The following RSL24D1 variants were observed in gnomAD, a reference collection of about 807,000 sequenced individuals.
The protein encoded by RSL24D1 is ribosomal L24 domain containing 1, also known as probable ribosome biogenesis protein RLP24.
Under a neutral mutation model 26.2 loss-of-function variants are expected in RSL24D1, and 6 were observed. The ratio of observed to expected loss-of-function variants is 0.23; its 90% confidence interval spans 0.13 to 0.45. The LOEUF (loss-of-function observed/expected upper bound fraction) is 0.45, where lower values mean the gene tolerates loss of function less well. Ranked by LOEUF, RSL24D1 falls within the 20% of genes least tolerant of loss-of-function variation. RSL24D1 has a pLI of 0.99. For missense variants in RSL24D1, 176 were observed against 202.6 expected, an observed-to-expected ratio of 0.87 and a Z score of 0.80; for synonymous variants, 61 against 59.1, an observed-to-expected ratio of 1.03 and a Z score of -0.15.
chr15:55,196,855 G>A lies in RSL24D1; in HGVS notation c.36C>T (p.Pro12=). ...ACATCATGCCGTGTCCAGGATAGAT[G>A]GGCCCCGAACAGAAATAACACTTTT... The part of the protein sequence containing the change: ...RIEKCYFCSG[P]IYPGHGMMFV... Residue 12 remains proline, a synonymous_variant, in exon 1 of 6, where the codon CCC becomes CCT. Transcript: ENST00000260443. 6.2e-7 allele frequency: 1 copy of A among 1,614,170 alleles called. No homozygotes were observed. The highest frequency in any genetic ancestry group is 1.7e-5 in the Admixed American group (1 of 60,020).
rs77320112 is a variant in RSL24D1 at position 55,196,915 on chromosome 15, A to T, written c.-25T>A. 0.028 allele frequency: 45,053 copies of T among 1,610,324 alleles called. 778 individuals are homozygous for T. The highest frequency in any genetic ancestry group is 0.033 in the Non-Finnish European group (39,179 of 1,176,720). The stretch of plus-strand genomic sequence containing the variant: ...TGTTGAACCCGCGTGTAACCCCACC[A>T]AACAAACGCCAAGCTTGAGAGGAAG... On this transcript the variant is annotated 5_prime_UTR_variant, in exon 1 of 6. Transcript: ENST00000260443.
rs968911646 is a variant in RSL24D1, at chr15:55,185,375, A to G, written c.319T>C (p.Phe107Leu). The change falls in exon 4 of 6, where the codon TTT becomes CTT. Residue 107 changes from phenylalanine (F) to leucine (L), a missense_variant. Phe to Leu is a conservative substitution (Grantham distance 22, BLOSUM62 0). Transcript: ENST00000260443. ...EEIKQKRQAK[F>L]IMNRLKKNKE... ...AAATATTCATACCTGTTCATTATAA[A>G]TTTAGCTTGGCGCTTCTGTTTGATT... is the stretch of plus-strand genomic sequence containing the variant. 1 of 1,608,210 alleles carries G rather than the reference A, an allele frequency of 6.2e-7. No homozygotes were observed. Among genetic ancestry groups the G allele is most frequent in the Non-Finnish European group, 8.5e-7 (1 of 1,177,926 alleles).
chr15:55,188,177 C>A (rs1053410901), intron 3 of RSL24D1, among the ~76,000 whole-genome samples: 1 of 152,038 alleles, frequency 6.6e-6, no homozygotes, highest in Non-Finnish European at 1.5e-5. Flanking sequence ...TACTGAAATA[C>A]GAGGGGTGTG....
In RSL24D1 at chr15:55,182,233, A is replaced by C. The variant is rs1394937119; in HGVS notation, c.419-8T>G. ...CCAACTGTTTCCCTTTGCCTTTAAT[A>C]AAAATAAGTAAAAAATAAACAACTT... On this transcript the variant is annotated splice_region_variant and splice_polypyrimidine_tract_variant and intron_variant, in intron 5 of 5. Transcript: ENST00000260443. The C allele has an allele frequency of 1.3e-6, 2 of 1,533,402 alleles. No homozygotes were observed. Among genetic ancestry groups the C allele is most frequent in the African/African-American group, 2.7e-5 (2 of 73,338 alleles). The allele number at this position is 1,533,402 out of a possible 1,614,324, so 95.0% of individuals were successfully genotyped here.
chr15:55,196,774 C>T (rs1453759753), intron 1 of RSL24D1, 36 bp downstream of exon 1: 2 of 1,608,380 alleles, frequency 1.2e-6, no homozygotes, highest in Non-Finnish European at 1.7e-6. Flanking sequence ...ACCGCGGGAG[C>T]TAGGCTGAAG....
chr15:55,196,270 C>A, intron 1 of RSL24D1: 2 of 452,156 alleles, frequency 4.4e-6, no homozygotes, highest in Non-Finnish European at 8.9e-6. Context: ...AGGCCCCCTC[C>A]GCTTTCTTCC....
At chr15:55,190,423 C>A (rs1894283964) in intron 3 of RSL24D1, among the ~76,000 whole-genome samples, 1 of 149,240 alleles carries the variant, frequency 6.7e-6, no homozygotes, top group Non-Finnish European at 1.5e-5. Flanking sequence ...ACAAAAAAAA[C>A]AAGAACTAGA....
intron 5 of RSL24D1, 63 bp downstream of exon 5, chr15:55,183,252 C>A: frequency 1.7e-6 from 2 of 1,185,550 alleles, no homozygotes. Context: ...AAAAAATACC[C>A]AAAGTTAGTT....
At position 55,181,250 on chromosome 15, in the gene RSL24D1, T is replaced by G. The variant is rs1186385747; in HGVS notation, c.*902A>C. On this transcript the variant is annotated 3_prime_UTR_variant, in exon 6 of 6. Coordinates refer to ENST00000260443, the MANE Select transcript of RSL24D1 (RefSeq NM_016304.3). ...TAAATGGGATGTGTGGAGGAAGATT[T>G]CTTCTTCCAGGTCATCAATATTTCA... 6.6e-6 allele frequency: 1 copy of G among 152,462 alleles called. No homozygotes were observed. The highest frequency in any genetic ancestry group is 1.5e-5 in the Non-Finnish European group (1 of 68,044). The allele number at this position is 152,462 out of a possible 1,614,324, so 9.4% of individuals were successfully genotyped here.
intron 1 of RSL24D1, among the ~76,000 whole-genome samples, chr15:55,196,197 A>C (rs1894353643): frequency 6.6e-6 from 1 of 152,150 alleles, no homozygotes; most frequent in Admixed American, 6.5e-5. Context: ...TCACTTCCTC[A>C]AACAAATGTA....
chr15:55,195,928 T>C (rs1175267321), intron 1 of RSL24D1, among the ~76,000 whole-genome samples: 2 of 152,160 alleles, frequency 1.3e-5, no homozygotes, highest in African/African-American at 4.8e-5. Context: ...CCCCAAAGAT[T>C]CCAACTCAAT....
intron 1 of RSL24D1, among the ~76,000 whole-genome samples, chr15:55,193,383 A>C (rs1002793354): frequency 5.3e-5 from 8 of 152,194 alleles, no homozygotes; most frequent in African/African-American, 1.9e-4. Flanking sequence ...AATAGTGCTA[A>C]CTTACAACTG....
intron 3 of RSL24D1, among the ~76,000 whole-genome samples, chr15:55,189,245 T>C (rs962382937): frequency 5.9e-5 from 9 of 151,846 alleles, no homozygotes; most frequent in Non-Finnish European, 1.0e-4. Flanking sequence ...ATAATGTCCT[T>C]GATAAGAGTG....
intron 5 of RSL24D1, among the ~76,000 whole-genome samples, 154 bp downstream of exon 5, chr15:55,183,161 A>G (rs1010780849): frequency 1.3e-5 from 2 of 152,218 alleles, no homozygotes; most frequent in African/African-American, 4.8e-5. Flanking sequence ...ACTGACTGCA[A>G]TTGGGAAATA....
intron 4 of RSL24D1, among the ~76,000 whole-genome samples, chr15:55,184,126 G>T (rs144265897): frequency 1.3e-5 from 2 of 152,152 alleles, no homozygotes; most frequent in African/African-American, 4.8e-5. Context: ...CTGCTGGCAC[G>T]TGCTTCTTTT....
chr15:55,190,249 CAAAAAAAAAA>C (rs57254193), intron 3 of RSL24D1, among the ~76,000 whole-genome samples: 5 of 34,494 alleles, frequency 1.4e-4, no homozygotes, highest in African/African-American at 2.3e-4. Context: ...CTTTCCAACT[CAAAAAAAAAA>C]AAAAAAAAAA....
chr15:55,194,471 C>T (rs1211180783), intron 1 of RSL24D1: 1 of 152,068 alleles, frequency 6.6e-6, no homozygotes, highest in Non-Finnish European at 1.5e-5. Context: ...GCTTATGTGT[C>T]AGGCAAAGCT....
intron 1 of RSL24D1, among the ~76,000 whole-genome samples, chr15:55,193,174 A>T (rs1764042419): frequency 6.6e-6 from 1 of 152,262 alleles, no homozygotes; most frequent in South Asian, 2.1e-4. Flanking sequence ...TTATACCTCA[A>T]TGGGGATAAA....
intron 3 of RSL24D1, among the ~76,000 whole-genome samples, chr15:55,186,385 AC>A (rs1211960106): frequency 6.6e-6 from 1 of 152,188 alleles, no homozygotes; most frequent in Non-Finnish European, 1.5e-5. Context: ...CCTGGCAGAC[AC>A]CACCTTAACC....
Sources: gnomAD v4.1 joint callset for allele counts (sites outside exome capture counted in the v4.1 genomes callset) on GRCh38, gnomAD v4.1.1 for gene constraint, MANE v1.5 for transcripts, NCBI Gene and HGNC (gene_info 2026-07-23, HGNC 2026-07-21) for gene names.